GLDC: variants seen among roughly 807,000 people sequenced by gnomAD.
The protein encoded by GLDC is glycine dehydrogenase (decarboxylating), mitochondrial.
In GLDC, 104 loss-of-function variants were observed where a neutral mutation model predicts 121.3. The observed-to-expected ratio is 0.86, with a 90% CI of 0.73 to 1.01. The LOEUF (loss-of-function observed/expected upper bound fraction) is 1.01, where lower values mean the gene tolerates loss of function less well. Among genes scored for constraint, GLDC ranks in the 50% least tolerant of loss-of-function variants. The pLI is 0.00. For missense variants in GLDC, 1,429 were observed against 1,306.6 expected (o/e 1.09, Z -1.44); for synonymous variants, 546 against 480.6 (o/e 1.14, Z -1.78).
intron 5 of GLDC, 156 bp from the exon 6 acceptor site, chr9:6,605,434 T>A: frequency 1.4e-6 from 1 of 712,548 alleles, no homozygotes; most frequent in Non-Finnish European, 2.5e-6. Flanking sequence ...ACTTCAGTGG[T>A]AACTACATCA....
At chr9:6,615,731 C>T (rs994134442) in intron 3 of GLDC, among the ~76,000 whole-genome samples, 3 of 151,956 alleles carry the variant, frequency 2.0e-5, no homozygotes, top group East Asian at 1.9e-4. Context: ...CTGCTTCAGC[C>T]TCCCAAATAT....
intron 5 of GLDC, 56 bp from the exon 6 acceptor site, chr9:6,605,334 AT>A: frequency 6.4e-7 from 1 of 1,573,512 alleles, no homozygotes; most frequent in South Asian, 1.1e-5. Flanking sequence ...GGGAAAATTA[AT>A]TAACGTTTCT....
At chr9:6,632,249 A>G (rs990829064) in intron 2 of GLDC, among the ~76,000 whole-genome samples, 2 of 152,258 alleles carry the variant, frequency 1.3e-5, no homozygotes, top group African/African-American at 4.8e-5. Context: ...TGATGAATCA[A>G]TGCATAAATT....
chr9:6,538,212 C>T (rs1443742858), intron 22 of GLDC, among the ~76,000 whole-genome samples: 2 of 152,008 alleles, frequency 1.3e-5, no homozygotes, highest in Non-Finnish European at 2.9e-5. Flanking sequence ...GTAGTGGTCC[C>T]CATATTTTGA....
At chr9:6,554,996 T>C in intron 18 of GLDC, 2 of 616,564 alleles carry the variant, frequency 3.2e-6, no homozygotes, top group Non-Finnish European at 5.8e-6. Flanking sequence ...GCTATGGAAA[T>C]AGCAACTGAC....
chr9:6,580,781 C>T (rs886231949), intron 15 of GLDC, among the ~76,000 whole-genome samples: 2 of 152,230 alleles, frequency 1.3e-5, no homozygotes, highest in African/African-American at 4.8e-5. Context: ...GCCTATCAGT[C>T]CCCTTCTCCA....
At position 6,556,270 on chromosome 9, in the gene GLDC, G is replaced by A. The variant is rs145547090; in HGVS notation, c.2085C>T (p.Ile695=). The change falls in exon 18 of 25, where the codon ATC becomes ATT. Residue 695 remains isoleucine, a synonymous_variant. Transcript: ENST00000321612. ...CATTGGTGGATGGGTATGTAATCAT[G>A]ATAGCTGCTAGGTTCTCCTTGTGCT... ...VDKHKENLAA[I]MITYPSTNGV... is the part of the protein sequence containing the mutation. 30 of 1,613,442 alleles carry A rather than the reference G, an allele frequency of 1.9e-5. No individual in the cohort carries two copies. The African/African-American group carries it at 4.0e-4, about 22-fold the overall frequency.
chr9:6,598,903 G>A (rs1244037714), intron 8 of GLDC, among the ~76,000 whole-genome samples: 7 of 152,150 alleles, frequency 4.6e-5, no homozygotes, highest in South Asian at 2.1e-4. Context: ...ACATAAGGCC[G>A]GGCACAATGG....
In GLDC at chr9:6,644,711, G is replaced by A. The variant is rs1445654919; in HGVS notation, c.256-19C>T. 1.3e-6 allele frequency: 2 copies of A among 1,565,256 alleles called. No homozygotes were observed. The highest frequency in any genetic ancestry group is 2.7e-5 in the African/African-American group (2 of 74,070). On this transcript the variant is annotated intron_variant, in intron 1 of 24. Transcript: ENST00000321612. ...CAATGCTCTAAAATTAAAACGCAAGGCAGAGGAAAGTGCCTCTGAGTTAAA... is the reference window on the plus strand; with the variant it reads ...CAATGCTCTAAAATTAAAACGCAAGACAGAGGAAAGTGCCTCTGAGTTAAA...
intron 16 of GLDC, 27 bp from the exon 17 acceptor site, chr9:6,558,711 A>C: frequency 1.2e-6 from 2 of 1,614,046 alleles, no homozygotes; most frequent in Non-Finnish European, 1.7e-6. Context: ...AAGCAAAGAA[A>C]GAGCAAAATC....
chr9:6,556,043 G>T, intron 18 of GLDC, 110 bp downstream of exon 18: 1 of 816,222 alleles, frequency 1.2e-6, no homozygotes. Flanking sequence ...GTCAGGTCGT[G>T]GGTCTGAGTT....
At chr9:6,616,453 G>A (rs894826459) in intron 3 of GLDC, among the ~76,000 whole-genome samples, 3 of 152,130 alleles carry the variant, frequency 2.0e-5, no homozygotes, top group Non-Finnish European at 4.4e-5. Flanking sequence ...TAGTCTAGAG[G>A]TTTTTGGCAC....
chr9:6,604,896 T>C, intron 6 of GLDC, 112 bp from the exon 7 acceptor site: 1 of 955,966 alleles, frequency 1.0e-6, no homozygotes, highest in South Asian at 1.3e-5. Flanking sequence ...GTTCACATCC[T>C]GTGAACTCCA....
In GLDC at chr9:6,613,412, C is replaced by T. The variant is rs1818901301; in HGVS notation, c.471-3056G>A. Among the ~76,000 whole-genome samples, 3 of 151,962 alleles carry T rather than the reference C, an allele frequency of 2.0e-5. No individual in the cohort carries two copies. In the South Asian group the frequency reaches 6.2e-4, roughly 32 times the overall value. On this transcript the variant is annotated intron_variant, in intron 3 of 24. Coordinates refer to ENST00000321612, the MANE Select transcript of GLDC (RefSeq NM_000170.3). ...GAGGCCAAGGTGGGAGGATCACTTG[C>T]ACCAGGAGTTCGAGACCAGCCTGGG...
chr9:6,551,827 G>A lies in GLDC; in HGVS notation c.2458-913C>T, dbSNP rs116771719. Among the ~76,000 whole-genome samples the A allele has an allele frequency of 4.4e-3, 664 of 152,288 alleles. 6 individuals carry two copies. The highest frequency in any genetic ancestry group is 0.015 in the African/African-American group (623 of 41,548). On this transcript the variant is annotated intron_variant, in intron 20 of 24. Coordinates refer to ENST00000321612, the MANE Select transcript of GLDC (RefSeq NM_000170.3). ...GAGTGGATGTAGGGCAAGGTGAGTT[G>A]TGACTCCATTTTTAAGCCCAAAACT...
chr9:6,571,600 G>T (rs775238750), intron 15 of GLDC, among the ~76,000 whole-genome samples: 4 of 152,172 alleles, frequency 2.6e-5, no homozygotes, highest in Admixed American at 6.5e-5. Flanking sequence ...TGACTGATGG[G>T]TGGGTAGCAT....
At chr9:6,625,079 C>T (rs1396886653) in intron 2 of GLDC, among the ~76,000 whole-genome samples, 3 of 152,004 alleles carry the variant, frequency 2.0e-5, no homozygotes, top group East Asian at 1.9e-4. Flanking sequence ...TGGAAGTAAT[C>T]GACCCCAATA....
At chr9:6,575,214 C>CA (rs571198952) in intron 15 of GLDC, among the ~76,000 whole-genome samples, 1,682 of 96,752 alleles carry the variant, frequency 0.017, 11 homozygotes, top group African/African-American at 0.024. Context: ...TCAAAAGAAG[C>CA]AAAAAAAAAA....
intron 16 of GLDC, among the ~76,000 whole-genome samples, chr9:6,564,845 G>A (rs958065281): frequency 1.3e-5 from 2 of 152,250 alleles, no homozygotes; most frequent in Non-Finnish European, 2.9e-5. Context: ...AAGCAGGACC[G>A]TGAACTCTGC....
Sources: allele counts gnomAD v4.1 joint callset (sites outside exome capture counted in the v4.1 genomes callset), GRCh38; gene constraint gnomAD v4.1.1; transcripts MANE v1.5; gene names NCBI Gene and HGNC (gene_info 2026-07-23, HGNC 2026-07-21).